Variants in ANKFN1 observed in about 807,000 individuals in gnomAD.
ANKFN1 encodes the protein ankyrin repeat and fibronectin type-III domain-containing protein 1.
A neutral mutation model predicts 108.7 loss-of-function variants in ANKFN1; 74 were observed. The ratio of observed to expected loss-of-function variants is 0.68; its 90% CI spans 0.56 to 0.83. The LOEUF (loss-of-function observed/expected upper bound fraction) is 0.83. Among genes scored for constraint, ANKFN1 ranks in the 40% least tolerant of loss-of-function variants. The probability of loss-of-function intolerance (pLI) is 0.00; values close to 1 mark genes in which losing one functional copy is unlikely to be tolerated. For missense variants in ANKFN1, 1,505 were observed against 1,382.3 expected (o/e 1.09, Z -1.41); for synonymous variants, 547 against 516.2 (o/e 1.06, Z -0.81).
chr17:56,097,734 G>A (rs1567786238), intron 4 of ANKFN1, among the ~76,000 whole-genome samples: 2 of 152,136 alleles, frequency 1.3e-5, no homozygotes, highest in Admixed American at 6.5e-5. Context: ...TGTCAGCCTC[G>A]TCTTTTCATC....
chr17:56,062,618 G>A (rs999707924), intron 4 of ANKFN1, among the ~76,000 whole-genome samples: 2 of 143,052 alleles, frequency 1.4e-5, no homozygotes, highest in African/African-American at 5.3e-5. Context: ...TTTATTTTGA[G>A]CCTATGAGTG....
chr17:56,115,152 A>G (rs1598102912), intron 4 of ANKFN1, among the ~76,000 whole-genome samples: 1 of 152,204 alleles, frequency 6.6e-6, no homozygotes. Flanking sequence ...TAAAATTTCA[A>G]TGGAAATATA....
chr17:56,121,630 A>G (rs191612927), intron 4 of ANKFN1, among the ~76,000 whole-genome samples: 2 of 152,114 alleles, frequency 1.3e-5, no homozygotes, highest in East Asian at 1.9e-4. Flanking sequence ...GGGGAAAAAA[A>G]GGGTGGGGGA....
chr17:56,257,465 C>A (rs2043386700), intron 3 of ANKFN1, among the ~76,000 whole-genome samples: 1 of 152,184 alleles, frequency 6.6e-6, no homozygotes, highest in Admixed American at 6.5e-5. Flanking sequence ...AAAAAGAGGG[C>A]AAATCTCACA....
chr17:56,462,079 T>C (rs1170176943), intron 14 of ANKFN1: 1 of 152,208 alleles, frequency 6.6e-6, no homozygotes, highest in Non-Finnish European at 1.5e-5. Context: ...ATGATAAAAG[T>C]TGCTTTCATC....
intron 15 of ANKFN1, among the ~76,000 whole-genome samples, chr17:56,473,908 T>G (rs141572605): frequency 5.9e-5 from 9 of 152,318 alleles, no homozygotes; most frequent in African/African-American, 2.2e-4. Context: ...CACATTCTAT[T>G]TGTGGTCAGT....
chr17:56,287,150 G>A (rs1030426881), intron 3 of ANKFN1, among the ~76,000 whole-genome samples: 1 of 152,138 alleles, frequency 6.6e-6, no homozygotes, highest in African/African-American at 2.4e-5. Flanking sequence ...GGTGAGAAAG[G>A]ACATACCGAG....
rs369989378 is a variant in ANKFN1 at position 56,218,520 on chromosome 17, T to C, written c.12+5841T>C. ...TTGGTCTAACTTTTTTGAGCTACTT[T>C]GTACTTCAGCACATGCCCTGTCTCG... is the stretch of plus-strand genomic sequence containing the variant. On this transcript the variant is annotated intron_variant, in intron 2 of 20. Transcript: ENST00000682825. Among the ~76,000 whole-genome samples, 10 of 152,324 alleles carry C rather than the reference T, an allele frequency of 6.6e-5. No individual in the cohort carries two copies. In the South Asian group the frequency reaches 1.0e-3, roughly 16 times the overall value.
At chr17:56,153,634 G>A (rs1908816191) in intron 1 of ANKFN1, 104 bp downstream of exon 1, 3 of 1,465,488 alleles carry the variant, frequency 2.0e-6, no homozygotes, top group Admixed American at 1.7e-5. Flanking sequence ...GTGAATTCGG[G>A]CGTTAGCTGG....
intron 8 of ANKFN1, among the ~76,000 whole-genome samples, chr17:56,394,641 G>A (rs2047527632): frequency 6.6e-6 from 1 of 152,094 alleles, no homozygotes; most frequent in African/African-American, 2.4e-5. Flanking sequence ...GGCAGTTGCT[G>A]AGCCCATACG....
intron 4 of ANKFN1, among the ~76,000 whole-genome samples, chr17:56,327,182 C>G (rs192773253): frequency 9.9e-4 from 151 of 152,208 alleles, no homozygotes; most frequent in Non-Finnish European, 2.4e-4. Flanking sequence ...TTCTTCATTT[C>G]CTAAATAAGA....
At chr17:56,203,142 A>G (rs1567834913) in intron 1 of ANKFN1, among the ~76,000 whole-genome samples, 1 of 152,192 alleles carries the variant, frequency 6.6e-6, no homozygotes. Flanking sequence ...CTCTTAATTC[A>G]TACCATGATA....
chr17:56,168,256 CAAA>C (rs763624819), intron 1 of ANKFN1, among the ~76,000 whole-genome samples: 2 of 60,224 alleles, frequency 3.3e-5, no homozygotes, highest in Admixed American at 3.7e-4. Flanking sequence ...GACTCTGTCA[CAAA>C]AAAAAAAAAA....
intron 11 of ANKFN1, among the ~76,000 whole-genome samples, chr17:56,451,668 T>A (rs2049493974): frequency 6.6e-6 from 1 of 152,174 alleles, no homozygotes. Flanking sequence ...ATATTACCTA[T>A]CTTGCAGGAT....
chr17:56,122,305 A>G (rs1598110279), intron 4 of ANKFN1, among the ~76,000 whole-genome samples: 1 of 152,184 alleles, frequency 6.6e-6, no homozygotes, highest in East Asian at 1.9e-4. Context: ...TTATAACTTT[A>G]TCATAACCTA....
At chr17:56,172,522 G>T (rs778261505) in intron 1 of ANKFN1, among the ~76,000 whole-genome samples, 5 of 152,010 alleles carry the variant, frequency 3.3e-5, no homozygotes, top group Non-Finnish European at 7.4e-5. Context: ...GATACAAAAG[G>T]CAGGGCCATG....
intron 4 of ANKFN1, among the ~76,000 whole-genome samples, chr17:56,113,198 T>A (rs1278931238): frequency 6.6e-6 from 1 of 152,202 alleles, no homozygotes; most frequent in East Asian, 1.9e-4. Context: ...GAAAATCACA[T>A]GCCAATGCTG....
chr17:56,406,691 G>C (rs1046755860), intron 8 of ANKFN1, among the ~76,000 whole-genome samples: 2 of 152,122 alleles, frequency 1.3e-5, no homozygotes, highest in African/African-American at 4.8e-5. Context: ...AAATTTTATT[G>C]CTTTTGGCCA....
chr17:56,167,318 C>CAT (rs72496812), intron 1 of ANKFN1, among the ~76,000 whole-genome samples: 2,611 of 133,164 alleles, frequency 0.02, 24 homozygotes, highest in African/African-American at 0.028. Context: ...CACACACACA[C>CAT]ATATATATAT....
Sources: allele counts gnomAD v4.1 joint callset (sites outside exome capture counted in the v4.1 genomes callset), GRCh38; gene constraint gnomAD v4.1.1; transcripts MANE v1.5; gene names NCBI Gene and HGNC (gene_info 2026-07-23, HGNC 2026-07-21).